Variants in NXPH1 observed in about 807,000 individuals in gnomAD.
NXPH1 encodes neurexophilin-1.
NXPH1 carries 5 observed loss-of-function variants against 23.7 expected under a neutral mutation model. The ratio of observed to expected loss-of-function variants is 0.21; its 90% CI spans 0.11 to 0.44. NXPH1 has a LOEUF of 0.44. Among genes scored for constraint, NXPH1 ranks in the 20% least tolerant of loss-of-function variants. NXPH1 has a pLI of 0.99. For missense variants in NXPH1, 324 were observed against 321.6 expected, an observed-to-expected ratio of 1.01 and a Z score of -0.06; for synonymous variants, 144 against 122.2, an observed-to-expected ratio of 1.18 and a Z score of -1.18.
chr7:8,445,889 A>G (rs1816395980), intron 2 of NXPH1, among the ~76,000 whole-genome samples: 1 of 152,214 alleles, frequency 6.6e-6, no homozygotes, highest in Admixed American at 6.5e-5. Context: ...GAATGAAAGT[A>G]ATTTTGGTAA....
chr7:8,731,595 C>G (rs913551791), intron 2 of NXPH1, among the ~76,000 whole-genome samples: 4 of 152,116 alleles, frequency 2.6e-5, no homozygotes, highest in African/African-American at 9.7e-5. Context: ...TTGGAGTACT[C>G]GGCTGTGTGA....
At chr7:8,653,649 A>G (rs1820524776) in intron 2 of NXPH1, among the ~76,000 whole-genome samples, 1 of 152,206 alleles carries the variant, frequency 6.6e-6, no homozygotes, top group Non-Finnish European at 1.5e-5. Flanking sequence ...TTCTATATAC[A>G]TAACTTCAAT....
At chr7:8,466,580 C>T (rs965908722) in intron 2 of NXPH1, among the ~76,000 whole-genome samples, 10 of 152,002 alleles carry the variant, frequency 6.6e-5, no homozygotes, top group Non-Finnish European at 1.0e-4. Context: ...GATAAAGACT[C>T]GAAGGGACAT....
intron 2 of NXPH1, among the ~76,000 whole-genome samples, chr7:8,696,979 A>C (rs1779536777): frequency 7.7e-6 from 1 of 130,180 alleles, no homozygotes; most frequent in South Asian, 2.4e-4. Context: ...TCAACATGGC[A>C]AAACCCTGTC....
intron 2 of NXPH1, among the ~76,000 whole-genome samples, chr7:8,594,068 G>C (rs1249458303): frequency 1.3e-5 from 2 of 151,914 alleles, no homozygotes; most frequent in Non-Finnish European, 1.5e-5. Flanking sequence ...TGTTTTAAAG[G>C]TTTCTCTGAA....
At chr7:8,560,940 TC>T (rs1263708717) in intron 2 of NXPH1, among the ~76,000 whole-genome samples, 1 of 151,670 alleles carries the variant, frequency 6.6e-6, no homozygotes, top group Non-Finnish European at 1.5e-5. Flanking sequence ...TGGCTGAGCT[TC>T]ACCATGCTAA....
Position 8,587,345 on chromosome 7 carries a change from A to G in NXPH1, c.54+151578A>G, listed in dbSNP as rs1201265340. On this transcript the variant is annotated intron_variant, in intron 2 of 2. Transcript: ENST00000405863. Reference sequence around the variant, plus strand: ...GGAGTGCAGTTTTGCTATGTTGCCCAGGCTGGAGTGCAGTGGCTATTTACT... The same window carrying G: ...GGAGTGCAGTTTTGCTATGTTGCCCGGGCTGGAGTGCAGTGGCTATTTACT... 2.6e-5 allele frequency among the ~76,000 whole-genome samples: 4 copies of G among 151,520 alleles called. No individual in the cohort carries two copies. The East Asian group carries it at 7.8e-4, about 30-fold the overall frequency.
chr7:8,464,595 A>T (rs1020815274), intron 2 of NXPH1, among the ~76,000 whole-genome samples: 1 of 152,214 alleles, frequency 6.6e-6, no homozygotes, highest in African/African-American at 2.4e-5. Context: ...GTAGGAGTCA[A>T]GAAGATCTAG....
chr7:8,464,096 G>T (rs1489160917), intron 2 of NXPH1, among the ~76,000 whole-genome samples: 2 of 152,036 alleles, frequency 1.3e-5, no homozygotes, highest in East Asian at 3.9e-4. Context: ...ACAATTCTCA[G>T]TGCTCTTTGT....
At chr7:8,705,545 G>T (rs368877227) in intron 2 of NXPH1, among the ~76,000 whole-genome samples, 1 of 152,090 alleles carries the variant, frequency 6.6e-6, no homozygotes, top group South Asian at 2.1e-4. Flanking sequence ...TTCCTTGGTC[G>T]TATTTTGAAG....
At chr7:8,445,741 A>T (rs1816393941) in intron 2 of NXPH1, among the ~76,000 whole-genome samples, 1 of 152,254 alleles carries the variant, frequency 6.6e-6, no homozygotes, top group Admixed American at 6.5e-5. Context: ...AGAGGATTCC[A>T]TGGAAAATAA....
intron 2 of NXPH1, among the ~76,000 whole-genome samples, chr7:8,715,899 T>TTA (rs1779868282): frequency 6.6e-6 from 1 of 152,064 alleles, no homozygotes; most frequent in African/African-American, 2.4e-5. Context: ...ACATAAAACA[T>TTA]TATATGTGTG....
At chr7:8,555,423 A>T (rs1818342024) in intron 2 of NXPH1, among the ~76,000 whole-genome samples, 1 of 151,678 alleles carries the variant, frequency 6.6e-6, no homozygotes, top group Non-Finnish European at 1.5e-5. Context: ...TCCTGATTCC[A>T]CAAAAGAGAT....
intron 2 of NXPH1, among the ~76,000 whole-genome samples, chr7:8,712,926 T>C (rs1235094333): frequency 6.6e-6 from 1 of 152,154 alleles, no homozygotes; most frequent in Non-Finnish European, 1.5e-5. Flanking sequence ...TGCTTGGTAT[T>C]CGGTAACTTT....
In NXPH1 at chr7:8,665,718, G is replaced by C. The variant is rs1820749924; in HGVS notation, c.55-85290G>C. Among the ~76,000 whole-genome samples the C allele has an allele frequency of 2.0e-5, 3 of 151,828 alleles. No homozygotes were observed. The South Asian group carries it at 6.2e-4, about 31-fold the overall frequency. On this transcript the variant is annotated intron_variant, in intron 2 of 2. Transcript: ENST00000405863. ...AATACTTTATAGTTTTCAGTGCACA[G>C]ATCTTTTACCTTCTTAGCTGAATTA...
intron 2 of NXPH1, chr7:8,690,425 T>C (rs1024604308): frequency 1.3e-5 from 2 of 152,218 alleles, no homozygotes; most frequent in African/African-American, 4.8e-5. Flanking sequence ...GGTTGCTTTG[T>C]TTTTAAAGAT....
chr7:8,581,020 G>A (rs542476138), intron 2 of NXPH1, among the ~76,000 whole-genome samples: 3 of 152,258 alleles, frequency 2.0e-5, no homozygotes, highest in South Asian at 4.1e-4. Context: ...GCAAGAAAGG[G>A]AGTTACAATC....
intron 2 of NXPH1, among the ~76,000 whole-genome samples, chr7:8,568,669 C>G (rs565122847): frequency 4.0e-4 from 60 of 150,658 alleles, no homozygotes; most frequent in African/African-American, 1.4e-3. Flanking sequence ...AAAAAATTCT[C>G]ATTTCAACAG....
chr7:8,745,572 G>A lies in NXPH1; in HGVS notation c.55-5436G>A, dbSNP rs555238656. ...TCTGTGCTTTGGCACTGTCTGCCCC[G>A]AAACAGAGTCTTGCTCTGTCGCCAG... On this transcript the variant is annotated intron_variant, in intron 2 of 2. Coordinates refer to ENST00000405863, the MANE Select transcript of NXPH1 (RefSeq NM_152745.3). 1.2e-4 allele frequency among the ~76,000 whole-genome samples: 19 copies of A among 152,050 alleles called. No individual in the cohort carries two copies. In the East Asian group the frequency reaches 2.9e-3, roughly 23 times the overall value.
Sources: allele counts gnomAD v4.1 joint callset (sites outside exome capture counted in the v4.1 genomes callset), GRCh38; gene constraint gnomAD v4.1.1; transcripts MANE v1.5; gene names NCBI Gene and HGNC (gene_info 2026-07-23, HGNC 2026-07-21).